PPM1H: variants seen among roughly 807,000 people sequenced by gnomAD.
The protein encoded by PPM1H is protein phosphatase, Mg2+/Mn2+ dependent 1H, also known as protein phosphatase 1H.
PPM1H carries 27 observed loss-of-function variants against 54.9 expected under a neutral mutation model. The ratio of observed to expected loss-of-function variants is 0.49; its 90% CI spans 0.36 to 0.68. The LOEUF (loss-of-function observed/expected upper bound fraction) is 0.68. Among genes scored for constraint, PPM1H ranks in the 30% least tolerant of loss-of-function variants. The pLI, the probability that PPM1H is intolerant of heterozygous loss-of-function variation, is 0.00. For synonymous variants in PPM1H, 305 were observed against 270.8 expected (o/e 1.13, Z -1.24); for missense variants, 596 against 667.8 (o/e 0.89, Z 1.19).
rs777843220 is a variant in PPM1H at position 62,648,595 on chromosome 12, C to T, written c.1439G>A (p.Gly480Asp). The T allele has an allele frequency of 3.1e-6, 5 of 1,613,984 alleles. No individual in the cohort carries two copies. Among genetic ancestry groups the T allele is most frequent in the Non-Finnish European group, 4.2e-6 (5 of 1,179,866 alleles). Reference sequence around the variant, plus strand: ...CCGCCATCCTCTGTCCTTCAGCACACCCCGGGCACGCATCACCAGGTCCTG... The same window carrying T: ...CCGCCATCCTCTGTCCTTCAGCACATCCCGGGCACGCATCACCAGGTCCTG... ...AAQDLVMRAR[G>D]VLKDRGWRIS... Residue 480 changes from glycine (G) to aspartate (D), a missense_variant, in exon 10 of 10, where the codon GGT (glycine) becomes GAT (aspartate). Transcript: ENST00000228705.
chr12:62,890,511 A>G (rs931083942), intron 1 of PPM1H, among the ~76,000 whole-genome samples: 15 of 152,170 alleles, frequency 9.9e-5, no homozygotes, highest in African/African-American at 3.4e-4. Context: ...AATAAAGTCT[A>G]TTTGAAAAAT....
chr12:62,853,595 C>T (rs777300255), intron 1 of PPM1H, among the ~76,000 whole-genome samples: 15 of 150,736 alleles, frequency 1.0e-4, no homozygotes, highest in Non-Finnish European at 1.8e-4. Flanking sequence ...CTGGCTGCCA[C>T]GCAGAACTGT....
At chr12:62,810,104 G>A (rs531463974) in intron 2 of PPM1H, among the ~76,000 whole-genome samples, 8 of 152,132 alleles carry the variant, frequency 5.3e-5, no homozygotes, top group East Asian at 1.9e-4. Flanking sequence ...ATAGATGTTC[G>A]ATAAATACTT....
intron 8 of PPM1H, among the ~76,000 whole-genome samples, chr12:62,668,239 G>C (rs2075931655): frequency 6.6e-6 from 1 of 152,182 alleles, no homozygotes; most frequent in South Asian, 2.1e-4. Flanking sequence ...GGGAGGTGTG[G>C]AGAGGGATTT....
chr12:62,745,276 C>G (rs538000269), intron 4 of PPM1H, among the ~76,000 whole-genome samples: 1 of 152,058 alleles, frequency 6.6e-6, no homozygotes, highest in Non-Finnish European at 1.5e-5. Context: ...TGCCTAGGCT[C>G]GTCGCGAATG....
chr12:62,695,523 T>C (rs970617962), intron 6 of PPM1H, among the ~76,000 whole-genome samples: 2 of 152,160 alleles, frequency 1.3e-5, no homozygotes, highest in Admixed American at 1.3e-4. Context: ...AAAGGAAATA[T>C]ACTGTTTCCT....
chr12:62,803,977 C>A (rs1246937541), intron 2 of PPM1H, among the ~76,000 whole-genome samples: 1 of 152,124 alleles, frequency 6.6e-6, no homozygotes, highest in Non-Finnish European at 1.5e-5. Context: ...ACCATCGATA[C>A]CTTTCATAAA....
intron 7 of PPM1H, among the ~76,000 whole-genome samples, chr12:62,690,173 G>GATCC (rs747377788): frequency 6.6e-4 from 100 of 151,778 alleles, no homozygotes; most frequent in East Asian, 1.9e-3. Context: ...AGGATTGATC[G>GATCC]ATCCATCCAT....
At chr12:62,845,739 A>T (rs1418813092) in intron 1 of PPM1H, among the ~76,000 whole-genome samples, 1 of 152,090 alleles carries the variant, frequency 6.6e-6, no homozygotes, top group Non-Finnish European at 1.5e-5. Context: ...AATCATATCT[A>T]CAGTACAGAT....
At chr12:62,796,022 C>A (rs1269876205) in intron 3 of PPM1H, among the ~76,000 whole-genome samples, 1 of 152,156 alleles carries the variant, frequency 6.6e-6, no homozygotes, top group Non-Finnish European at 1.5e-5. Context: ...GACCAAAGTG[C>A]CTGACCATAA....
chr12:62,909,141 T>A (rs1200720925), intron 1 of PPM1H, among the ~76,000 whole-genome samples: 1 of 152,170 alleles, frequency 6.6e-6, no homozygotes, highest in African/African-American at 2.4e-5. Flanking sequence ...CAATCAATCC[T>A]GTCATCTTTC....
intron 4 of PPM1H, among the ~76,000 whole-genome samples, chr12:62,751,570 T>C (rs1474741219): frequency 6.6e-6 from 1 of 152,258 alleles, no homozygotes; most frequent in African/African-American, 2.4e-5. Flanking sequence ...CTTCACATTA[T>C]ACATCTGACG....
chr12:62,649,027 T>G (rs150735414), intron 9 of PPM1H, among the ~76,000 whole-genome samples: 13 of 152,330 alleles, frequency 8.5e-5, no homozygotes, highest in African/African-American at 3.1e-4. Flanking sequence ...TCAGAACTTT[T>G]GTTTTCAATA....
chr12:62,918,169 AAGCCACAGACTGGCTAGGGAAAG>A (rs1326853587), intron 1 of PPM1H, among the ~76,000 whole-genome samples: 1 of 152,178 alleles, frequency 6.6e-6, no homozygotes, highest in Non-Finnish European at 1.5e-5. Context: ...CTGCTTGCTG[AAGCCACAGACTGGCTAGGGAAAG>A]AGCCAAGACT....
chr12:62,772,503 A>G (rs1324090274), intron 4 of PPM1H, among the ~76,000 whole-genome samples: 1 of 152,016 alleles, frequency 6.6e-6, no homozygotes, highest in Non-Finnish European at 1.5e-5. Context: ...ATCTTTTTTC[A>G]TAACCCATAT....
At chr12:62,676,906 A>G (rs1565753244) in intron 8 of PPM1H, among the ~76,000 whole-genome samples, 3 of 152,166 alleles carry the variant, frequency 2.0e-5, no homozygotes, top group Non-Finnish European at 4.4e-5. Context: ...GACTTGAAGC[A>G]TGGGAGCCAG....
chr12:62,932,525 G>A (rs1046688995), intron 1 of PPM1H, among the ~76,000 whole-genome samples: 6 of 151,786 alleles, frequency 4.0e-5, no homozygotes, highest in African/African-American at 1.5e-4. Context: ...TCACTGGAGT[G>A]GGGACAGATC....
At chr12:62,869,878 C>A (rs999130906) in intron 1 of PPM1H, among the ~76,000 whole-genome samples, 3 of 152,146 alleles carry the variant, frequency 2.0e-5, no homozygotes, top group Non-Finnish European at 4.4e-5. Context: ...CTCTTACCCC[C>A]AACTCTTTTC....
chr12:62,917,361 A>T (rs990022885), intron 1 of PPM1H, among the ~76,000 whole-genome samples: 1 of 152,258 alleles, frequency 6.6e-6, no homozygotes, highest in Non-Finnish European at 1.5e-5. Context: ...CTGAAATCAG[A>T]TCTAGTTGTG....
Sources: allele counts gnomAD v4.1 joint callset (sites outside exome capture counted in the v4.1 genomes callset), GRCh38; gene constraint gnomAD v4.1.1; transcripts MANE v1.5; gene names NCBI Gene and HGNC (gene_info 2026-07-23, HGNC 2026-07-21).